The following CNTN4 variants were observed in gnomAD, a reference collection of about 807,000 sequenced individuals.
CNTN4 encodes the protein contactin-4.
In CNTN4, 77 loss-of-function variants were observed where a neutral mutation model predicts 122.5. The observed-to-expected ratio is 0.63, with a 90% CI of 0.52 to 0.76. The LOEUF is 0.76. Among genes scored for constraint, CNTN4 ranks in the 30% least tolerant of loss-of-function variants. The probability of loss-of-function intolerance (pLI) is 0.00; values close to 1 mark genes in which losing one functional copy is unlikely to be tolerated. For synonymous variants in CNTN4, 512 were observed against 447.0 expected (o/e 1.15, Z -1.83); for missense variants, 1,256 against 1,259.1 (o/e 1.00, Z 0.04).
At chr3:2,204,581 A>G (rs1005524743) in intron 2 of CNTN4, among the ~76,000 whole-genome samples, 4 of 152,166 alleles carry the variant, frequency 2.6e-5, no homozygotes, top group South Asian at 2.1e-4. Context: ...TTAAACAACT[A>G]TTGTTAAAGT....
intron 14 of CNTN4, among the ~76,000 whole-genome samples, chr3:2,996,156 G>T (rs1695514470): frequency 6.6e-6 from 1 of 152,230 alleles, no homozygotes; most frequent in South Asian, 2.1e-4. Context: ...AGCTGTATTG[G>T]TAATATCTGT....
At chr3:2,388,921 G>T (rs1280592261) in intron 3 of CNTN4, among the ~76,000 whole-genome samples, 1 of 151,900 alleles carries the variant, frequency 6.6e-6, no homozygotes, top group Non-Finnish European at 1.5e-5. Context: ...ACTTTGGGAG[G>T]CCGGGGTGGG....
At chr3:2,319,121 G>A (rs984786050) in intron 2 of CNTN4, among the ~76,000 whole-genome samples, 2 of 152,080 alleles carry the variant, frequency 1.3e-5, no homozygotes, top group African/African-American at 2.4e-5. Flanking sequence ...AAGGAAGGAC[G>A]ATTCAAAAGG....
chr3:2,320,567 A>C (rs1053677863), intron 2 of CNTN4, among the ~76,000 whole-genome samples: 3 of 152,140 alleles, frequency 2.0e-5, no homozygotes, highest in African/African-American at 7.2e-5. Context: ...TTATTGGTAT[A>C]GTTAAGGTTA....
At chr3:2,400,087 A>G (rs948337461) in intron 3 of CNTN4, among the ~76,000 whole-genome samples, 6 of 151,968 alleles carry the variant, frequency 3.9e-5, no homozygotes, top group African/African-American at 1.4e-4. Context: ...AGTAACTTCT[A>G]TAGGTGGATA....
intron 2 of CNTN4, among the ~76,000 whole-genome samples, chr3:2,114,612 T>G (rs11925376): frequency 6.6e-6 from 1 of 151,982 alleles, no homozygotes; most frequent in Non-Finnish European, 1.5e-5. Flanking sequence ...TTACACAGTT[T>G]CATAGACTAG....
chr3:2,329,905 G>A (rs1414347438), intron 2 of CNTN4, among the ~76,000 whole-genome samples: 1 of 152,124 alleles, frequency 6.6e-6, no homozygotes, highest in Non-Finnish European at 1.5e-5. Context: ...CAGATGTGTG[G>A]GTTTTGATTT....
chr3:2,170,217 G>A (rs954159103), intron 2 of CNTN4, among the ~76,000 whole-genome samples: 14 of 151,994 alleles, frequency 9.2e-5, no homozygotes, highest in East Asian at 5.8e-4. Flanking sequence ...CTACTCGGGA[G>A]GCTGAGGCGG....
intron 4 of CNTN4, among the ~76,000 whole-genome samples, chr3:2,727,776 C>T (rs2088339906): frequency 6.6e-6 from 1 of 152,182 alleles, no homozygotes; most frequent in Admixed American, 6.5e-5. Context: ...GAGAAGAGTT[C>T]ACTTCTCATT....
Position 2,473,175 on chromosome 3 carries a change from G to C in CNTN4, c.-88-98241G>C, listed in dbSNP as rs6806962. Among the ~76,000 whole-genome samples the C allele has an allele frequency of 9.7e-3, 1,420 of 147,038 alleles. 23 individuals carry two copies. The highest frequency in any genetic ancestry group is 0.033 in the African/African-American group (1,332 of 39,996). On this transcript the variant is annotated intron_variant, in intron 3 of 24. Transcript: ENST00000418658. ...GAACCCAAAAGGTGGAGGTTGCAGT[G>C]AGCCAAAATCGTGCCACTGTGCTCC...
chr3:2,353,778 G>A (rs1354624372), intron 3 of CNTN4, among the ~76,000 whole-genome samples: 2 of 151,902 alleles, frequency 1.3e-5, no homozygotes, highest in Admixed American at 6.6e-5. Flanking sequence ...GGGCGCCTGT[G>A]GTCCCAGCTA....
chr3:2,955,868 A>C (rs898214807), intron 13 of CNTN4, among the ~76,000 whole-genome samples: 1 of 136,160 alleles, frequency 7.3e-6, no homozygotes, highest in African/African-American at 2.5e-5. Context: ...AAAATGATTC[A>C]GCATCAACAT....
At chr3:2,278,703 T>G (rs541170866) in intron 2 of CNTN4, among the ~76,000 whole-genome samples, 6 of 152,318 alleles carry the variant, frequency 3.9e-5, no homozygotes, top group Non-Finnish European at 7.4e-5. Context: ...GCAAGACCCC[T>G]GTGCCTAATC....
intron 6 of CNTN4, among the ~76,000 whole-genome samples, chr3:2,752,103 C>G (rs1219894372): frequency 6.6e-6 from 1 of 152,136 alleles, no homozygotes; most frequent in Non-Finnish European, 1.5e-5. Flanking sequence ...TGTCTGTTCT[C>G]TCTTCCATTC....
intron 3 of CNTN4, among the ~76,000 whole-genome samples, chr3:2,558,972 C>A (rs1254836661): frequency 6.6e-6 from 1 of 152,156 alleles, no homozygotes; most frequent in Non-Finnish European, 1.5e-5. Flanking sequence ...TGTGACAGGC[C>A]AGGCCTGAAA....
chr3:2,866,724 T>C (rs1309742230), intron 7 of CNTN4, 28 bp from the exon 8 acceptor site: 1 of 1,593,426 alleles, frequency 6.3e-7, no homozygotes, highest in East Asian at 2.2e-5. Context: ...AAAAGACATA[T>C]TTGTAATGAA....
chr3:2,744,406 T>G (rs2089642965), intron 5 of CNTN4, among the ~76,000 whole-genome samples: 2 of 152,254 alleles, frequency 1.3e-5, no homozygotes, highest in Admixed American at 1.3e-4. Flanking sequence ...ATGGTGATTT[T>G]TACTATTTAA....
At chr3:2,630,735 A>G (rs756113161) in intron 4 of CNTN4, among the ~76,000 whole-genome samples, 21 of 139,494 alleles carry the variant, frequency 1.5e-4, no homozygotes, top group East Asian at 2.3e-4. Context: ...TGTGTGTACT[A>G]TATGTTTAAT....
chr3:2,346,939 C>G (rs914572259), intron 3 of CNTN4, among the ~76,000 whole-genome samples: 2 of 152,108 alleles, frequency 1.3e-5, no homozygotes, highest in Non-Finnish European at 2.9e-5. Context: ...CTTTTGTTGT[C>G]TCTTTTCTGC....
Sources: allele counts gnomAD v4.1 joint callset (sites outside exome capture counted in the v4.1 genomes callset), GRCh38; gene constraint gnomAD v4.1.1; transcripts MANE v1.5; gene names NCBI Gene and HGNC (gene_info 2026-07-23, HGNC 2026-07-21).